The following GRB10 variants were observed in gnomAD, a reference collection of about 807,000 sequenced individuals.
The protein encoded by GRB10 is growth factor receptor bound protein 10, also known as growth factor receptor-bound protein 10.
GRB10 carries 20 observed loss-of-function variants against 80.9 expected under a neutral mutation model. The observed-to-expected ratio is 0.25, with a 90% CI of 0.17 to 0.36. GRB10 has a LOEUF of 0.36. Ranked by LOEUF, GRB10 falls within the 10% of genes least tolerant of loss-of-function variation. The pLI is 1.00. For missense variants in GRB10, 548 were observed against 747.7 expected (o/e 0.73, Z 3.12); for synonymous variants, 291 against 291.5 (o/e 1.00, Z 0.02).
chr7:50,712,462 A>G (rs1425522269), intron 4 of GRB10, among the ~76,000 whole-genome samples: 3 of 152,262 alleles, frequency 2.0e-5, no homozygotes, highest in Admixed American at 1.3e-4. Context: ...GTATTCACAC[A>G]GGCTGCTGAG....
At chr7:50,700,243 A>C (rs1476470820) in intron 5 of GRB10, among the ~76,000 whole-genome samples, 1 of 152,126 alleles carries the variant, frequency 6.6e-6, no homozygotes, top group African/African-American at 2.4e-5. Context: ...TTTCTTCCAG[A>C]GCTGTTTCTC....
intron 5 of GRB10, among the ~76,000 whole-genome samples, chr7:50,702,910 T>G (rs2064449667): frequency 6.6e-6 from 1 of 152,268 alleles, no homozygotes; most frequent in South Asian, 2.1e-4. Context: ...AGGCTTACAT[T>G]ATTTCCATTT....
chr7:50,669,911 G>C, intron 6 of GRB10, 48 bp from the exon 7 acceptor site: 1 of 1,568,618 alleles, frequency 6.4e-7, no homozygotes, highest in Non-Finnish European at 8.7e-7. Flanking sequence ...TTCCCCACAT[G>C]ACCCAGCCTT....
At chr7:50,683,507 C>T (rs113301686) in intron 5 of GRB10, among the ~76,000 whole-genome samples, 3,121 of 152,222 alleles carry the variant, frequency 0.021, 125 homozygotes, top group African/African-American at 0.071. Context: ...GAGGCCGTGG[C>T]GGGTGGATCA....
At chr7:50,625,683 G>A (rs571584889) in intron 8 of GRB10, among the ~76,000 whole-genome samples, 16 of 152,316 alleles carry the variant, frequency 1.1e-4, no homozygotes, top group Middle Eastern at 3.4e-3. Flanking sequence ...ACACAAATGC[G>A]TTTAGCAATT....
At position 50,782,849 on chromosome 7, in the gene GRB10, G is replaced by A. The variant is rs2078455066; in HGVS notation, c.-752C>T. 6.6e-6 allele frequency: 1 copy of A among 152,150 alleles called. No individual in the cohort carries two copies. The highest frequency in any genetic ancestry group is 1.5e-5 in the Non-Finnish European group (1 of 68,034). The allele number at this position is 152,150 out of a possible 1,614,324, so 9.4% of individuals were successfully genotyped here. ...GAGGGACTGGGCGCTCCTGAGGAGC[G>A]GGAGGACGACGGAGCAGCGCCCGGT... On this transcript the variant is annotated 5_prime_UTR_variant, in exon 1 of 19. Transcript: ENST00000401949. The surrounding 1 kb of genome is among the most constrained non-coding windows in gnomAD (Gnocchi z 6.6).
At chr7:50,707,613 C>T (rs569569428) in intron 4 of GRB10, among the ~76,000 whole-genome samples, 138 of 152,350 alleles carry the variant, frequency 9.1e-4, no homozygotes, top group Admixed American at 1.7e-3. Context: ...ATATTTACTG[C>T]TATGTATGTG....
chr7:50,637,445 C>T (rs1300674595), intron 7 of GRB10, among the ~76,000 whole-genome samples: 1 of 152,080 alleles, frequency 6.6e-6, no homozygotes, highest in Non-Finnish European at 1.5e-5. Flanking sequence ...GCCACACACA[C>T]ACACACAACA....
At chr7:50,677,180 A>G (rs187217241) in intron 5 of GRB10, among the ~76,000 whole-genome samples, 4 of 152,352 alleles carry the variant, frequency 2.6e-5, no homozygotes, top group Admixed American at 2.6e-4. Flanking sequence ...GCCATGGTTC[A>G]GGTTGTGAGT....
At chr7:50,762,424 C>T (rs572027358) in intron 2 of GRB10, among the ~76,000 whole-genome samples, 1 of 152,058 alleles carries the variant, frequency 6.6e-6, no homozygotes, top group Non-Finnish European at 1.5e-5. Flanking sequence ...CTGACGGACA[C>T]TCCACCTCCA....
chr7:50,598,716 A>G (rs2047067583), intron 17 of GRB10, among the ~76,000 whole-genome samples: 1 of 152,208 alleles, frequency 6.6e-6, no homozygotes, highest in African/African-American at 2.4e-5. Flanking sequence ...AGCAGACGAA[A>G]AGTGAAAGTA....
At chr7:50,760,837 A>T (rs1333854393) in intron 2 of GRB10, among the ~76,000 whole-genome samples, 2 of 152,252 alleles carry the variant, frequency 1.3e-5, no homozygotes, top group South Asian at 2.1e-4. Context: ...GCTCACAGCC[A>T]TTCCTGACTC....
At chr7:50,595,607 A>ACACACACACACC in intron 17 of GRB10, 77 bp from the exon 18 acceptor site, 1 of 657,052 alleles carries the variant, frequency 1.5e-6, no homozygotes. Context: ...TCTCTTACAC[A>ACACACACACACC]CACACACACA....
At chr7:50,724,708 CTG>C (rs2068310781) in intron 4 of GRB10, among the ~76,000 whole-genome samples, 1 of 152,138 alleles carries the variant, frequency 6.6e-6, no homozygotes, top group African/African-American at 2.4e-5. Context: ...GGAAGGATGC[CTG>C]AAGGAGCTGG....
intron 17 of GRB10, among the ~76,000 whole-genome samples, chr7:50,602,755 T>C (rs938775478): frequency 2.0e-5 from 3 of 152,226 alleles, no homozygotes. Context: ...AGCTTTTAGA[T>C]GATAGTAAGA....
Position 50,616,236 on chromosome 7 carries a change from A to G in GRB10, c.958T>C (p.Tyr320His). Residue 320 changes from tyrosine (Y) to histidine (H), a missense_variant, in exon 11 of 19, where the codon TAT becomes CAT. Around this residue, in one of 4 missense-constraint regions of GRB10, gnomAD observed 270 missense variants for 433.6 expected, o/e 0.62. Transcript: ENST00000401949. Reference sequence around the variant, plus strand: ...TTTGAAGTTCCCTTGGTGGAGCAATAAAGGCCAGATCTCCGCAAACACACA... The same window carrying G: ...TTTGAAGTTCCCTTGGTGGAGCAATGAAGGCCAGATCTCCGCAAACACACA... ...LYVCLRRSGL[Y>H]CSTKGTSKEP... 6.2e-7 allele frequency: 1 copy of G among 1,614,220 alleles called. No individual in the cohort carries two copies. The highest frequency in any genetic ancestry group is 8.5e-7 in the Non-Finnish European group (1 of 1,180,042).
At chr7:50,730,705 A>G (rs1487693389) in intron 4 of GRB10, among the ~76,000 whole-genome samples, 1 of 152,176 alleles carries the variant, frequency 6.6e-6, no homozygotes, top group East Asian at 1.9e-4. Flanking sequence ...AACACCTAAC[A>G]AGGCCATCAA....
chr7:50,671,130 GAC>G (rs1339396756), intron 6 of GRB10, among the ~76,000 whole-genome samples: 1 of 152,160 alleles, frequency 6.6e-6, no homozygotes, highest in African/African-American at 2.4e-5. Flanking sequence ...GGCACTCCTG[GAC>G]ACACAGCCTC....
intron 5 of GRB10, among the ~76,000 whole-genome samples, chr7:50,683,801 T>G (rs977214663): frequency 5.9e-5 from 9 of 152,146 alleles, no homozygotes; most frequent in African/African-American, 2.2e-4. Context: ...GTGTTAGGTA[T>G]ATTTTACCAC....
Sources: gnomAD v4.1 joint callset for allele counts (sites outside exome capture counted in the v4.1 genomes callset) on GRCh38, gnomAD v4.1.1 for gene constraint, gnomAD v4.1.1 regional missense constraint, Gnocchi (gnomAD v3.1) non-coding constraint, MANE v1.5 for transcripts, NCBI Gene and HGNC (gene_info 2026-07-23, HGNC 2026-07-21) for gene names.